Variants in STX12 observed in about 807,000 individuals in gnomAD.
STX12 encodes the protein syntaxin-12.
In STX12, 17 loss-of-function variants were observed where a neutral mutation model predicts 42.2. The ratio of observed to expected loss-of-function variants is 0.40; its 90% CI spans 0.28 to 0.60. STX12 has a LOEUF of 0.60. Ranked by LOEUF, STX12 falls within the 20% of genes least tolerant of loss-of-function variation. The pLI, the probability that STX12 is intolerant of heterozygous loss-of-function variation, is 0.39. For missense variants in STX12, 297 were observed against 330.9 expected (o/e 0.90, Z 0.79); for synonymous variants, 108 against 116.7 (o/e 0.93, Z 0.48).
intron 1 of STX12, among the ~76,000 whole-genome samples, chr1:27,775,358 A>G (rs999948745): frequency 1.1e-4 from 17 of 152,084 alleles, no homozygotes; most frequent in African/African-American, 4.1e-4. Flanking sequence ...TGCAGCCTCA[A>G]CCTCCCTGGC....
At chr1:27,779,611 C>G (rs993760564) in intron 1 of STX12, among the ~76,000 whole-genome samples, 1 of 152,126 alleles carries the variant, frequency 6.6e-6, no homozygotes, top group African/African-American at 2.4e-5. Flanking sequence ...GGATTACAGG[C>G]ATGAGCCACC....
rs560612134 is a variant in STX12, at chr1:27,787,607, C to T, written c.119-1955C>T. On this transcript the variant is annotated intron_variant, in intron 1 of 8. Coordinates refer to ENST00000373943, the MANE Select transcript of STX12 (RefSeq NM_177424.3). Reference sequence around the variant, plus strand: ...CTGGGAGTCGGAGGTTGCAGTGAGCCGAGATCATGCCACTGCACTCCAGCC... The same window carrying T: ...CTGGGAGTCGGAGGTTGCAGTGAGCTGAGATCATGCCACTGCACTCCAGCC... 3.3e-3 allele frequency among the ~76,000 whole-genome samples: 506 copies of T among 151,578 alleles called. 4 individuals carry two copies. The highest frequency in any genetic ancestry group is 0.011 in the African/African-American group (473 of 41,286).
chr1:27,804,659 A>C (rs1474850620), intron 4 of STX12, among the ~76,000 whole-genome samples: 4 of 151,448 alleles, frequency 2.6e-5, no homozygotes, highest in Admixed American at 1.3e-4. Context: ...AAAATATAAA[A>C]AATTAGCCGG....
chr1:27,775,460 T>C (rs917525136), intron 1 of STX12, among the ~76,000 whole-genome samples: 1 of 152,146 alleles, frequency 6.6e-6, no homozygotes, highest in Non-Finnish European at 1.5e-5. Flanking sequence ...TTTGTAGAGA[T>C]GGAGTTTCAC....
Position 27,824,283 on chromosome 1 carries a change from G to A in STX12, c.*1954G>A, listed in dbSNP as rs1451517319. 1.3e-5 allele frequency: 2 copies of A among 152,190 alleles called. No homozygotes were observed. The highest frequency in any genetic ancestry group is 2.9e-5 in the Non-Finnish European group (2 of 68,042). The allele number at this position is 152,190 out of a possible 1,614,324, so 9.4% of individuals were successfully genotyped here. A position where few individuals can be genotyped will look rare whatever the true frequency, so the allele number is the denominator to read the frequency against. Reference sequence around the variant, plus strand: ...ACGATTTGCATTTGGGTAAAATAAAGTGACCATGCTTTTGTTCTGTAATAC... The same window carrying A: ...ACGATTTGCATTTGGGTAAAATAAAATGACCATGCTTTTGTTCTGTAATAC... On this transcript the variant is annotated 3_prime_UTR_variant, in exon 9 of 9. Transcript: ENST00000373943.
Position 27,789,120 on chromosome 1 carries a change from A to G in STX12, c.119-442A>G, listed in dbSNP as rs192798548. ...TTAGTATATAGTGCCTGGCACTTAG[A>G]GGTGCTCAATTGGTGGTAACCCATT... On this transcript the variant is annotated intron_variant, in intron 1 of 8. Transcript: ENST00000373943. Among the ~76,000 whole-genome samples, 503 of 152,336 alleles carry G rather than the reference A, an allele frequency of 3.3e-3. 4 individuals carry two copies. The highest frequency in any genetic ancestry group is 0.011 in the African/African-American group (475 of 41,582).
intron 6 of STX12, among the ~76,000 whole-genome samples, chr1:27,816,344 C>T (rs1400882808): frequency 1.3e-5 from 2 of 150,496 alleles, no homozygotes; most frequent in Non-Finnish European, 3.0e-5. Context: ...CGTGGTGGTG[C>T]ACGACTGTAA....
chr1:27,817,754 AAC>A, intron 6 of STX12, 95 bp from the exon 7 acceptor site: 2 of 1,018,392 alleles, frequency 2.0e-6, no homozygotes, highest in South Asian at 1.4e-5. Flanking sequence ...GAGCCTTAAA[AAC>A]ACACGTGTTA....
chr1:27,805,648 A>T (rs968476651), intron 4 of STX12, among the ~76,000 whole-genome samples: 8 of 152,168 alleles, frequency 5.3e-5, no homozygotes, highest in African/African-American at 1.9e-4. Context: ...TATGCTTTTC[A>T]TTCAGCTTGA....
At position 27,822,494 on chromosome 1, in the gene STX12, G is replaced by A. The variant is rs2088991876; in HGVS notation, c.*165G>A. On this transcript the variant is annotated 3_prime_UTR_variant, in exon 9 of 9. Coordinates refer to ENST00000373943, the MANE Select transcript of STX12 (RefSeq NM_177424.3). ...GTCTTTGGAATTCGTGACCTATGGA[G>A]ACAGTAATTATCAATTTATTGATTC... 1.9e-6 allele frequency: 1 copy of A among 518,870 alleles called. No individual in the cohort carries two copies. Among genetic ancestry groups the A allele is most frequent in the Admixed American group, 3.3e-5 (1 of 30,638 alleles). The allele number at this position is 518,870 out of a possible 1,614,324, so 32.1% of individuals were successfully genotyped here.
intron 7 of STX12, chr1:27,818,160 A>G: frequency 7.1e-6 from 3 of 421,994 alleles, no homozygotes; most frequent in Non-Finnish European, 1.3e-5. Flanking sequence ...AAGCGGGCAG[A>G]TCATGAGGTC....
At chr1:27,818,477 G>A (rs564280615) in intron 7 of STX12, among the ~76,000 whole-genome samples, 6 of 151,732 alleles carry the variant, frequency 4.0e-5, no homozygotes, top group Admixed American at 6.6e-5. Flanking sequence ...TTTATTTTTC[G>A]TAGCAATTTT....
intron 7 of STX12, 28 bp from the exon 8 acceptor site, chr1:27,819,622 A>G: frequency 6.2e-7 from 1 of 1,606,606 alleles, no homozygotes; most frequent in East Asian, 2.2e-5. Flanking sequence ...TGAGTGTGTT[A>G]AAACATCCTC....
chr1:27,794,181 C>T (rs544152570), intron 3 of STX12, among the ~76,000 whole-genome samples: 2 of 152,118 alleles, frequency 1.3e-5, no homozygotes, highest in African/African-American at 4.8e-5. Flanking sequence ...TGTGCCACCA[C>T]ACCCAGCTAA....
At chr1:27,781,645 C>G (rs908547789) in intron 1 of STX12, among the ~76,000 whole-genome samples, 2 of 152,072 alleles carry the variant, frequency 1.3e-5, no homozygotes, top group African/African-American at 4.8e-5. Context: ...ATTTATAATA[C>G]AAGCAATTTT....
chr1:27,821,723 C>T (rs150445343), intron 8 of STX12, among the ~76,000 whole-genome samples: 169 of 152,200 alleles, frequency 1.1e-3, no homozygotes, highest in Middle Eastern at 3.4e-3. Context: ...AACTTTGAAA[C>T]CTATACTACT....
At chr1:27,779,279 G>A (rs1481748525) in intron 1 of STX12, among the ~76,000 whole-genome samples, 1 of 151,698 alleles carries the variant, frequency 6.6e-6, no homozygotes, top group African/African-American at 2.4e-5. Flanking sequence ...ACTTCCTCAA[G>A]AGCCTAAAGT....
At chr1:27,785,341 C>T (rs2088692452) in intron 1 of STX12, among the ~76,000 whole-genome samples, 1 of 152,134 alleles carries the variant, frequency 6.6e-6, no homozygotes, top group African/African-American at 2.4e-5. Context: ...CCTGTTTGTA[C>T]CTTGCATTTA....
At chr1:27,802,554 CCTT>C (rs898616715) in intron 4 of STX12, among the ~76,000 whole-genome samples, 27 of 152,294 alleles carry the variant, frequency 1.8e-4, no homozygotes, top group Admixed American at 1.5e-3. Context: ...CACAAAGTAA[CCTT>C]CTTCAGGCAG....
Sources: gnomAD v4.1 joint callset for allele counts (sites outside exome capture counted in the v4.1 genomes callset) on GRCh38, gnomAD v4.1.1 for gene constraint, MANE v1.5 for transcripts, NCBI Gene and HGNC (gene_info 2026-07-23, HGNC 2026-07-21) for gene names.